Variants in MGAT4C observed in about 807,000 individuals in gnomAD.
The protein encoded by MGAT4C is alpha-1,3-mannosyl-glycoprotein 4-beta-N-acetylglucosaminyltransferase C.
Under a neutral mutation model 40.1 loss-of-function variants are expected in MGAT4C, and 19 were observed. The observed-to-expected ratio is 0.47, with a 90% CI of 0.33 to 0.70. MGAT4C has a LOEUF of 0.70. MGAT4C is among the 30% of genes least tolerant of loss of function. MGAT4C has a pLI of 0.02. For synonymous variants in MGAT4C, 181 were observed against 187.1 expected, an observed-to-expected ratio of 0.97 and a Z score of 0.27; for missense variants, 491 against 563.2, an observed-to-expected ratio of 0.87 and a Z score of 1.30.
At chr12:86,200,127 G>GTTTTTTTTTTTTTT (rs56844963) in intron 1 of MGAT4C, among the ~76,000 whole-genome samples, 2 of 102,348 alleles carry the variant, frequency 2.0e-5, no homozygotes, top group Non-Finnish European at 1.8e-5. Flanking sequence ...GTATGTATTT[G>GTTTTTTTTTTTTTT]TTTTTTTTTT....
chr12:86,344,146 G>A (rs1954964144), intron 3 of MGAT4C, among the ~76,000 whole-genome samples: 1 of 152,094 alleles, frequency 6.6e-6, no homozygotes, highest in Admixed American at 6.6e-5. Context: ...ATTCCCAAGG[G>A]AATTTCTTCA....
intron 2 of MGAT4C, among the ~76,000 whole-genome samples, chr12:86,035,058 T>C (rs1891103032): frequency 6.7e-6 from 1 of 150,192 alleles, no homozygotes; most frequent in African/African-American, 2.4e-5. Context: ...TGTGTCTTTA[T>C]AGTACAGTGA....
intron 3 of MGAT4C, among the ~76,000 whole-genome samples, chr12:86,412,579 T>C (rs1486132312): frequency 3.9e-5 from 6 of 152,214 alleles, no homozygotes; most frequent in Admixed American, 2.0e-4. Flanking sequence ...GTACCCACAT[T>C]GTATCTTGGA....
intron 2 of MGAT4C, among the ~76,000 whole-genome samples, chr12:86,560,858 T>A (rs1417127302): frequency 6.6e-6 from 1 of 152,124 alleles, no homozygotes; most frequent in Non-Finnish European, 1.5e-5. Flanking sequence ...AAATTGTACT[T>A]CTTTGCAGAA....
Position 86,539,684 on chromosome 12 carries a change from T to C in MGAT4C, c.-228-104419A>G, listed in dbSNP as rs182353682. 1.3e-3 allele frequency among the ~76,000 whole-genome samples: 192 copies of C among 152,314 alleles called. 1 individual carries two copies. Among genetic ancestry groups the C allele is most frequent in the Middle Eastern group, 6.8e-3 (2 of 294 alleles). On this transcript the variant is annotated intron_variant, in intron 2 of 7. Coordinates refer to the MGAT4C transcript ENST00000548651. ...ATTTCTCCACATCCTCTCCAGCACC[T>C]GTTTCCTGACTTTTTAATGATAGCC...
At chr12:86,488,100 T>C (rs1191626005) in intron 2 of MGAT4C, among the ~76,000 whole-genome samples, 2 of 152,016 alleles carry the variant, frequency 1.3e-5, no homozygotes, top group East Asian at 1.9e-4. Context: ...ATGCAAAATA[T>C]TGGCTGGGCA....
At chr12:86,263,706 G>A (rs1291069753) in intron 4 of MGAT4C, among the ~76,000 whole-genome samples, 2 of 152,112 alleles carry the variant, frequency 1.3e-5, no homozygotes, top group East Asian at 3.9e-4. Context: ...TGTGACTGCT[G>A]TATGAAATTG....
intron 2 of MGAT4C, among the ~76,000 whole-genome samples, chr12:86,632,667 A>G (rs1963095498): frequency 6.6e-6 from 1 of 151,908 alleles, no homozygotes; most frequent in Non-Finnish European, 1.5e-5. Flanking sequence ...ACAGAAAACC[A>G]AACACTGCAG....
At chr12:86,814,173 G>C (rs1246222558) in intron 1 of MGAT4C, among the ~76,000 whole-genome samples, 4 of 151,266 alleles carry the variant, frequency 2.6e-5, no homozygotes, top group Non-Finnish European at 4.4e-5. Context: ...TCTAAGCACT[G>C]TTATCTCCCA....
At chr12:86,177,501 T>C (rs889131442) in intron 1 of MGAT4C, among the ~76,000 whole-genome samples, 3 of 152,146 alleles carry the variant, frequency 2.0e-5, no homozygotes, top group South Asian at 2.1e-4. Flanking sequence ...CAGAAATATC[T>C]TAATAATTAT....
At chr12:86,790,188 T>C (rs910062804) in intron 1 of MGAT4C, among the ~76,000 whole-genome samples, 12 of 152,146 alleles carry the variant, frequency 7.9e-5, no homozygotes, top group Non-Finnish European at 1.0e-4. Flanking sequence ...TACTACCTAT[T>C]TGATGGTAGA....
intron 2 of MGAT4C, among the ~76,000 whole-genome samples, chr12:86,716,036 G>A (rs1258443979): frequency 1.3e-5 from 2 of 152,106 alleles, no homozygotes; most frequent in Non-Finnish European, 2.9e-5. Flanking sequence ...AATGTAAGAT[G>A]TGTTGTTTCA....
At chr12:86,488,766 A>G (rs1592908241) in intron 2 of MGAT4C, among the ~76,000 whole-genome samples, 1 of 152,200 alleles carries the variant, frequency 6.6e-6, no homozygotes, top group Non-Finnish European at 1.5e-5. Flanking sequence ...ATCAGAGCAC[A>G]TTATATCATA....
At chr12:86,530,227 C>G (rs1958957930) in intron 2 of MGAT4C, among the ~76,000 whole-genome samples, 1 of 151,886 alleles carries the variant, frequency 6.6e-6, no homozygotes, top group Non-Finnish European at 1.5e-5. Context: ...AACCTAAACC[C>G]CTTATAATCC....
intron 1 of MGAT4C, among the ~76,000 whole-genome samples, chr12:86,220,960 T>A (rs1254831309): frequency 6.6e-6 from 1 of 152,184 alleles, no homozygotes; most frequent in Non-Finnish European, 1.5e-5. Context: ...AGGCTACAGA[T>A]GCCCAACAAA....
At chr12:86,638,000 T>C (rs1963271648) in intron 2 of MGAT4C, among the ~76,000 whole-genome samples, 1 of 151,940 alleles carries the variant, frequency 6.6e-6, no homozygotes. Flanking sequence ...AAGCAGCATG[T>C]AGTTAGACCC....
At chr12:86,486,269 G>A (rs1365507092) in intron 2 of MGAT4C, among the ~76,000 whole-genome samples, 1 of 151,752 alleles carries the variant, frequency 6.6e-6, no homozygotes, top group Non-Finnish European at 1.5e-5. Context: ...AGAGTAGAAA[G>A]GTCTATGAAA....
At chr12:86,607,222 T>A (rs1231963090) in intron 2 of MGAT4C, among the ~76,000 whole-genome samples, 1 of 152,066 alleles carries the variant, frequency 6.6e-6, no homozygotes, top group East Asian at 1.9e-4. Context: ...AATGTATATA[T>A]TGATTTTTGA....
intron 3 of MGAT4C, among the ~76,000 whole-genome samples, chr12:86,354,966 G>A (rs1214953063): frequency 1.3e-5 from 2 of 152,194 alleles, no homozygotes; most frequent in Admixed American, 1.3e-4. Context: ...GCCACTGCTG[G>A]CTGGGGGCGG....
Sources: allele counts gnomAD v4.1 joint callset (sites outside exome capture counted in the v4.1 genomes callset), GRCh38; gene constraint gnomAD v4.1.1; transcripts MANE v1.5; gene names NCBI Gene and HGNC (gene_info 2026-07-23, HGNC 2026-07-21).